Variants in SAMMSON observed in about 807,000 individuals in gnomAD.
SAMMSON encodes the protein long intergenic non-protein coding RNA 1212.
chr3:70,152,197 A>G (rs2067574508), intron 4 of SAMMSON, among the ~76,000 whole-genome samples: 1 of 152,014 alleles, frequency 6.6e-6, no homozygotes, highest in Admixed American at 6.6e-5. Flanking sequence ...ATTGAAATTG[A>G]ACACTTGATT....
chr3:70,120,355 G>A (rs2067427884), intron 4 of SAMMSON: 1 of 152,216 alleles, frequency 6.6e-6, no homozygotes, highest in African/African-American at 2.4e-5. Flanking sequence ...TGCTCTGAGA[G>A]AACCCCAAAT....
chr3:70,137,411 GA>G (rs1331412077), intron 4 of SAMMSON, among the ~76,000 whole-genome samples: 1 of 152,118 alleles, frequency 6.6e-6, no homozygotes, highest in Non-Finnish European at 1.5e-5. Flanking sequence ...ATGATTGGGG[GA>G]AAATTAGAAG....
At chr3:70,392,758 T>C (rs1701060734), downstream of SAMMSON, among the ~76,000 whole-genome samples, 1 of 152,102 alleles carries the variant, frequency 6.6e-6, no homozygotes, top group Admixed American at 6.6e-5. Flanking sequence ...GCCAGGGTTG[T>C]TGAAGGATGA....
At chr3:70,143,789 C>T (rs1035684640) in intron 4 of SAMMSON, among the ~76,000 whole-genome samples, 5 of 152,092 alleles carry the variant, frequency 3.3e-5, no homozygotes, top group African/African-American at 1.2e-4. Context: ...TTCCCTGAAC[C>T]CTGACCACAT....
At chr3:70,066,580 T>C (rs373103488) in intron 3 of SAMMSON, among the ~76,000 whole-genome samples, 3 of 152,150 alleles carry the variant, frequency 2.0e-5, no homozygotes, top group East Asian at 3.9e-4. Context: ...ATTAGCATCA[T>C]TTCCAAACAG....
chr3:70,214,956 A>C (rs889173390), intron 4 of SAMMSON, among the ~76,000 whole-genome samples: 1 of 152,164 alleles, frequency 6.6e-6, no homozygotes, highest in African/African-American at 2.4e-5. Flanking sequence ...CTGAAAAAAT[A>C]AATGAAGCCA....
intron 2 of SAMMSON, among the ~76,000 whole-genome samples, chr3:70,412,723 CT>C (rs1453019678): frequency 2.0e-5 from 3 of 152,240 alleles, no homozygotes; most frequent in South Asian, 2.1e-4. Context: ...TTAGAGTCTA[CT>C]TAGAAGCCCA....
At chr3:70,272,865 G>C (rs1701987555) in intron 6 of SAMMSON, among the ~76,000 whole-genome samples, 1 of 152,280 alleles carries the variant, frequency 6.6e-6, no homozygotes, top group South Asian at 2.1e-4. Flanking sequence ...AAATAAAAAA[G>C]AGATCAGAGG....
intron 4 of SAMMSON, chr3:70,095,867 G>C (rs531355958): frequency 1.3e-5 from 2 of 152,132 alleles, no homozygotes; most frequent in Non-Finnish European, 2.9e-5. Context: ...CTAATTTGAC[G>C]TATGGTTGCA....
intron 6 of SAMMSON, among the ~76,000 whole-genome samples, chr3:70,290,887 C>A (rs1040470487): frequency 6.6e-6 from 1 of 152,166 alleles, no homozygotes; most frequent in Non-Finnish European, 1.5e-5. Context: ...TTGCGCTTCC[C>A]GAGTGAGGCA....
chr3:70,113,381 C>A (rs1428001611), intron 4 of SAMMSON, among the ~76,000 whole-genome samples: 1 of 152,164 alleles, frequency 6.6e-6, no homozygotes, highest in African/African-American at 2.4e-5. Context: ...GGGTCATATT[C>A]ATGTGACTGC....
chr3:70,196,141 T>C (rs760493300), intron 4 of SAMMSON, among the ~76,000 whole-genome samples: 2 of 152,200 alleles, frequency 1.3e-5, no homozygotes, highest in Non-Finnish European at 2.9e-5. Flanking sequence ...AAGTGAAGAA[T>C]TGAGATTTTT....
At chr3:70,049,434 G>A (rs897500023) in intron 3 of SAMMSON, among the ~76,000 whole-genome samples, 2 of 152,168 alleles carry the variant, frequency 1.3e-5, no homozygotes, top group Non-Finnish European at 2.9e-5. Context: ...ATATCACAAT[G>A]ATTAATGATA....
intron 9 of SAMMSON, among the ~76,000 whole-genome samples, chr3:70,371,115 G>A (rs1456612257): frequency 5.9e-5 from 9 of 152,048 alleles, no homozygotes. Context: ...TTGAAGATCA[G>A]TTAGCTGTAA....
chr3:70,000,747 C>G (rs1357352940), intron 1 of SAMMSON, among the ~76,000 whole-genome samples: 1 of 152,202 alleles, frequency 6.6e-6, no homozygotes, highest in Non-Finnish European at 1.5e-5. Flanking sequence ...ACAGTCATCT[C>G]AGCCCACAAA....
chr3:70,303,673 T>C (rs1186020945), intron 7 of SAMMSON, among the ~76,000 whole-genome samples: 1 of 152,152 alleles, frequency 6.6e-6, no homozygotes. Flanking sequence ...CACTCTTTGA[T>C]AGTTCTTTAT....
At chr3:70,415,395 G>A (rs184669506) in intron 2 of SAMMSON, among the ~76,000 whole-genome samples, 2 of 152,280 alleles carry the variant, frequency 1.3e-5, no homozygotes, top group Admixed American at 1.3e-4. Flanking sequence ...AAATGTCTTT[G>A]ATTGATTTCT....
intron 3 of SAMMSON, among the ~76,000 whole-genome samples, chr3:70,020,824 C>G (rs925470660): frequency 5.3e-5 from 8 of 152,022 alleles, no homozygotes; most frequent in Non-Finnish European, 1.2e-4. Context: ...CGTCATCTTC[C>G]CAACAACTGT....
intron 4 of SAMMSON, among the ~76,000 whole-genome samples, chr3:70,164,958 C>G (rs1002269955): frequency 2.0e-5 from 3 of 151,994 alleles, no homozygotes; most frequent in African/African-American, 4.8e-5. Context: ...TTTGAAGAAA[C>G]AGTGCATTAG....
Sources: gnomAD v4.1 joint callset for allele counts (sites outside exome capture counted in the v4.1 genomes callset) on GRCh38, gnomAD v4.1.1 for gene constraint, MANE v1.5 for transcripts, NCBI Gene and HGNC (gene_info 2026-07-23, HGNC 2026-07-21) for gene names.